Variants in DOCK2 observed in about 807,000 individuals in gnomAD.
DOCK2 encodes dedicator of cytokinesis protein 2.
DOCK2 carries 87 observed loss-of-function variants against 248.9 expected under a neutral mutation model. The ratio of observed to expected loss-of-function variants is 0.35; its 90% CI spans 0.29 to 0.42. DOCK2 has a LOEUF of 0.42. DOCK2 is among the 10% of genes least tolerant of loss of function. DOCK2 has a pLI of 1.00. For synonymous variants in DOCK2, 805 were observed against 821.6 expected (o/e 0.98, Z 0.35); for missense variants, 1,747 against 2,300.2 (o/e 0.76, Z 4.92).
chr5:169,941,290 C>A (rs982685509), intron 27 of DOCK2, among the ~76,000 whole-genome samples: 1 of 152,196 alleles, frequency 6.6e-6, no homozygotes, highest in African/African-American at 2.4e-5. Flanking sequence ...TCACTACAAC[C>A]TCTGCCTCCT....
chr5:169,973,612 G>A (rs770579933), intron 27 of DOCK2, among the ~76,000 whole-genome samples: 1 of 152,154 alleles, frequency 6.6e-6, no homozygotes, highest in Admixed American at 6.5e-5. Flanking sequence ...GACTTAGGAT[G>A]TGTCCAGTGC....
At chr5:169,870,351 A>G (rs1238489886) in intron 27 of DOCK2, among the ~76,000 whole-genome samples, 1 of 152,182 alleles carries the variant, frequency 6.6e-6, no homozygotes, top group African/African-American at 2.4e-5. Context: ...GCCCCAAGTC[A>G]TGACTTGGCT....
chr5:169,886,516 G>A (rs561407353), intron 27 of DOCK2, among the ~76,000 whole-genome samples: 17 of 152,260 alleles, frequency 1.1e-4, no homozygotes, highest in African/African-American at 4.1e-4. Context: ...TGATAATGGG[G>A]AGCTCAGTAC....
At chr5:169,979,348 A>G (rs1309727974) in intron 27 of DOCK2, among the ~76,000 whole-genome samples, 1 of 152,352 alleles carries the variant, frequency 6.6e-6, no homozygotes, top group Admixed American at 6.5e-5. Context: ...GTGGATATGG[A>G]AGTAAGGTCT....
chr5:169,955,005 A>G (rs954339326), intron 27 of DOCK2, among the ~76,000 whole-genome samples: 1 of 152,222 alleles, frequency 6.6e-6, no homozygotes, highest in African/African-American at 2.4e-5. Context: ...CTCCATGAGG[A>G]AGGCTCAAGG....
chr5:169,978,551 A>C (rs1043200436), intron 27 of DOCK2, among the ~76,000 whole-genome samples: 5 of 152,126 alleles, frequency 3.3e-5, no homozygotes, highest in Non-Finnish European at 7.3e-5. Flanking sequence ...GGGAGTGCTA[A>C]TCTCCTGATC....
chr5:170,056,525 C>T (rs756239711), intron 42 of DOCK2, 159 bp from the exon 43 acceptor site: 30 of 575,648 alleles, frequency 5.2e-5, no homozygotes, highest in Admixed American at 1.3e-4. Context: ...GTCACTCTTA[C>T]GGAGCCCAGA....
At chr5:169,749,765 G>A (rs1477218269) in intron 23 of DOCK2, among the ~76,000 whole-genome samples, 1 of 152,184 alleles carries the variant, frequency 6.6e-6, no homozygotes, top group East Asian at 1.9e-4. Flanking sequence ...AGTTGGGACT[G>A]CAGTCTTCTA....
chr5:169,695,977 C>T (rs760578545), intron 10 of DOCK2, 39 bp downstream of exon 10: 6 of 1,544,882 alleles, frequency 3.9e-6, no homozygotes, highest in South Asian at 2.5e-5. Flanking sequence ...TTTATGGGAG[C>T]GCACATTTTA....
intron 27 of DOCK2, among the ~76,000 whole-genome samples, chr5:169,975,630 G>A (rs1317876639): frequency 6.6e-6 from 1 of 152,186 alleles, no homozygotes; most frequent in African/African-American, 2.4e-5. Context: ...CTACTCAAAT[G>A]TCAACTCTTA....
intron 10 of DOCK2, 77 bp from the exon 11 acceptor site, chr5:169,698,297 C>T (rs997077118): frequency 3.7e-5 from 55 of 1,489,608 alleles, no homozygotes; most frequent in Non-Finnish European, 4.9e-5. Context: ...CCTCCTGTCC[C>T]ATAAGCTCAT....
chr5:169,820,967 C>T (rs112959989), intron 26 of DOCK2, among the ~76,000 whole-genome samples: 2,157 of 152,168 alleles, frequency 0.014, 22 homozygotes, highest in South Asian at 0.053. Flanking sequence ...AACTACGTGA[C>T]GAATGCACAA....
At chr5:169,693,728 T>C (rs1760440403) in intron 9 of DOCK2, among the ~76,000 whole-genome samples, 1 of 152,166 alleles carries the variant, frequency 6.6e-6, no homozygotes, top group Non-Finnish European at 1.5e-5. Flanking sequence ...ACAGCCCTTG[T>C]ACCAGTCAGT....
intron 26 of DOCK2, among the ~76,000 whole-genome samples, chr5:169,813,151 A>G (rs533542162): frequency 2.6e-5 from 4 of 152,372 alleles, no homozygotes; most frequent in South Asian, 2.1e-4. Context: ...TCCAGCTCAC[A>G]AGAACCGAGT....
intron 26 of DOCK2, 47 bp from the exon 27 acceptor site, chr5:169,840,710 G>T: frequency 1.3e-6 from 2 of 1,574,234 alleles, no homozygotes; most frequent in South Asian, 1.1e-5. Flanking sequence ...CAATTGTTCA[G>T]ATGCAGTGTC....
chr5:170,041,989 ACTTCCTGTGT>A lies in DOCK2; in HGVS notation c.3757-19_3757-10del. On this transcript the variant is annotated splice_polypyrimidine_tract_variant and intron_variant, in intron 37 of 51. Coordinates refer to ENST00000520908, the MANE Select transcript of DOCK2 (RefSeq NM_004946.3). The stretch of plus-strand genomic sequence containing the variant: ...CTTGGCAGCCTCTCGGCCCTGTGTG[ACTTCCTGTGT>A]CTTCTCTTCACAGTGGTCGGATGAG... The A allele has an allele frequency of 6.2e-7, 1 of 1,611,020 alleles. No individual in the cohort carries two copies. The highest frequency in any genetic ancestry group is 8.5e-7 in the Non-Finnish European group (1 of 1,178,466).
chr5:169,902,958 T>C lies in DOCK2; in HGVS notation c.2799+62106T>C, dbSNP rs554014316. Among the ~76,000 whole-genome samples the C allele has an allele frequency of 1.3e-4, 20 of 151,994 alleles. No homozygotes were observed. In the South Asian group the frequency reaches 2.9e-3, roughly 22 times the overall value. On this transcript the variant is annotated intron_variant, in intron 27 of 51. Coordinates refer to ENST00000520908, the MANE Select transcript of DOCK2 (RefSeq NM_004946.3). ...ACTAAAAATACAAAAATTAGCTGGG[T>C]GTGGTGGCACATGCCTGTAGTCCCA... is the stretch of plus-strand genomic sequence containing the variant.
At chr5:169,740,509 C>A (rs1326029710) in intron 22 of DOCK2, among the ~76,000 whole-genome samples, 1 of 152,188 alleles carries the variant, frequency 6.6e-6, no homozygotes, top group African/African-American at 2.4e-5. Flanking sequence ...GGAGTGATCC[C>A]ACCCCAAATG....
At position 169,938,225 on chromosome 5, in the gene DOCK2, C is replaced by CT. The variant is rs573891252; in HGVS notation, c.2800-44829dup. 7.8e-3 allele frequency among the ~76,000 whole-genome samples: 1,118 copies of CT among 143,334 alleles called. 11 individuals are homozygous for CT. Among genetic ancestry groups the CT allele is most frequent in the South Asian group, 0.047 (212 of 4,470 alleles). 94.0% of individuals were successfully genotyped at this position (143,334 alleles called of 152,430 possible). On this transcript the variant is annotated intron_variant, in intron 27 of 51. Transcript: ENST00000520908. ...AAAGAAATCTTTCTTTTTCTTTCTTCTTTTTTTTTTTTTTAGCACAAAAGT... is the reference window on the plus strand; with the variant it reads ...AAAGAAATCTTTCTTTTTCTTTCTTCTTTTTTTTTTTTTTTAGCACAAAAGT...
Sources: allele counts gnomAD v4.1 joint callset (sites outside exome capture counted in the v4.1 genomes callset), GRCh38; gene constraint gnomAD v4.1.1; transcripts MANE v1.5; gene names NCBI Gene and HGNC (gene_info 2026-07-23, HGNC 2026-07-21).